RUNX2: variants seen among roughly 807,000 people sequenced by gnomAD.
The protein encoded by RUNX2 is runt-related transcription factor 2.
Under a neutral mutation model 51.7 loss-of-function variants are expected in RUNX2, and 10 were observed. That is an observed-to-expected ratio of 0.19 (90% CI 0.12 to 0.33). The LOEUF (loss-of-function observed/expected upper bound fraction) is 0.33, where lower values mean the gene tolerates loss of function less well. Ranked by LOEUF, RUNX2 falls within the 10% of genes least tolerant of loss-of-function variation. RUNX2 has a pLI of 1.00. For missense variants in RUNX2, 562 were observed against 691.3 expected (o/e 0.81, Z 2.10); for synonymous variants, 276 against 273.6 (o/e 1.01, Z -0.09).
chr6:45,361,091 G>A (rs900186500), intron 2 of RUNX2, among the ~76,000 whole-genome samples: 14 of 152,094 alleles, frequency 9.2e-5, no homozygotes, highest in African/African-American at 3.1e-4. Context: ...TGGCAACATA[G>A]AGACCCCATC....
intron 2 of RUNX2, 115 bp from the exon 3 acceptor site, chr6:45,422,478 T>TGGGGG: frequency 1.8e-6 from 1 of 569,524 alleles, no homozygotes; most frequent in Non-Finnish European, 2.8e-6. Context: ...CCATCCTCTT[T>TGGGGG]CCCCCCGTCT....
intron 5 of RUNX2, among the ~76,000 whole-genome samples, chr6:45,462,499 C>A (rs560231557): frequency 6.6e-6 from 1 of 152,280 alleles, no homozygotes; most frequent in East Asian, 1.9e-4. Flanking sequence ...TGGCTGAAAA[C>A]AAACCTTAAG....
intron 2 of RUNX2, among the ~76,000 whole-genome samples, chr6:45,358,589 T>C (rs1442088239): frequency 6.6e-6 from 1 of 152,182 alleles, no homozygotes; most frequent in Non-Finnish European, 1.5e-5. Context: ...AAGAGCACAA[T>C]GTTTATCATC....
At position 45,345,105 on chromosome 6, in the gene RUNX2, A is replaced by G. The variant is rs113438193; in HGVS notation, c.58+16321A>G. ...TACCCACTCATCTGCGCTGCCTCAC[A>G]TGGATGTTTTGAGATTTAAATGAGA... On this transcript the variant is annotated intron_variant, in intron 2 of 8. Coordinates refer to ENST00000647337, the MANE Select transcript of RUNX2 (RefSeq NM_001024630.4). 9.1e-3 allele frequency among the ~76,000 whole-genome samples: 1,382 copies of G among 152,280 alleles called. 14 individuals carry two copies. Among genetic ancestry groups the G allele is most frequent in the South Asian group, 0.028 (137 of 4,822 alleles).
At chr6:45,368,911 G>A (rs367630323) in intron 2 of RUNX2, among the ~76,000 whole-genome samples, 5 of 151,692 alleles carry the variant, frequency 3.3e-5, no homozygotes, top group African/African-American at 7.3e-5. Flanking sequence ...CTGAGTTTTC[G>A]TTTTGTTGTT....
intron 7 of RUNX2, among the ~76,000 whole-genome samples, chr6:45,530,752 G>A (rs1185517673): frequency 2.0e-5 from 3 of 152,222 alleles, no homozygotes; most frequent in African/African-American, 7.2e-5. Context: ...TTAAAAAGGA[G>A]CAGGACTATT....
rs773529941 is a variant in RUNX2 at position 45,499,650 on chromosome 6, G to A, written c.859+7536G>A. Reference sequence around the variant, plus strand: ...CTTTCAGAAAAGTAGAGAGGGTGATGTTCCCAGAAAAATTATTTTTTTGTT... The same window carrying A: ...CTTTCAGAAAAGTAGAGAGGGTGATATTCCCAGAAAAATTATTTTTTTGTT... On this transcript the variant is annotated intron_variant, in intron 6 of 8. Coordinates refer to ENST00000647337, the MANE Select transcript of RUNX2 (RefSeq NM_001024630.4). Among the ~76,000 whole-genome samples, 247 of 152,280 alleles carry A rather than the reference G, an allele frequency of 1.6e-3. 2 individuals are homozygous for A. Among genetic ancestry groups the A allele is most frequent in the Non-Finnish European group, 6.0e-4 (41 of 68,020 alleles).
chr6:45,348,973 T>C (rs1791486173), intron 2 of RUNX2, among the ~76,000 whole-genome samples: 2 of 152,302 alleles, frequency 1.3e-5, no homozygotes, highest in South Asian at 4.1e-4. Context: ...ACACAGTTCA[T>C]GGCACACCAC....
intron 6 of RUNX2, among the ~76,000 whole-genome samples, chr6:45,510,800 A>G (rs2150420017): frequency 6.6e-6 from 1 of 152,000 alleles, no homozygotes; most frequent in East Asian, 1.9e-4. Flanking sequence ...ATTTTGTGCT[A>G]GTTTTCTCTT....
chr6:45,400,437 T>C (rs1797688578), intron 2 of RUNX2, among the ~76,000 whole-genome samples: 1 of 152,174 alleles, frequency 6.6e-6, no homozygotes, highest in Admixed American at 6.5e-5. Flanking sequence ...TTCCAGTAAA[T>C]GGTAACTGAG....
chr6:45,478,043 A>G (rs2150397863), intron 5 of RUNX2, among the ~76,000 whole-genome samples: 1 of 151,964 alleles, frequency 6.6e-6, no homozygotes, highest in South Asian at 2.1e-4. Context: ...TTGGAATGTT[A>G]TCTTCTTCTG....
At chr6:45,361,334 G>A (rs1281547798) in intron 2 of RUNX2, among the ~76,000 whole-genome samples, 2 of 151,908 alleles carry the variant, frequency 1.3e-5, no homozygotes, top group East Asian at 1.9e-4. Flanking sequence ...TTTTAAAAAC[G>A]TGGTGACATT....
chr6:45,328,472 C>T lies in RUNX2; in HGVS notation c.-67+12C>T. 6.7e-7 allele frequency: 1 copy of T among 1,485,320 alleles called. No individual in the cohort carries two copies. The highest frequency in any genetic ancestry group is 9.1e-7 in the Non-Finnish European group (1 of 1,098,818). The allele number at this position is 1,485,320 out of a possible 1,614,324, so 92.0% of individuals were successfully genotyped here. On this transcript the variant is annotated intron_variant, in intron 1 of 8. Coordinates refer to ENST00000647337, the MANE Select transcript of RUNX2 (RefSeq NM_001024630.4). ...GACCAACAGAGTCAGTGAGTGCTCT[C>T]TAACCACAGTCTATGCAGTAATAGT...
rs398048486 is a variant in RUNX2, at chr6:45,399,349, C to CTTTTTTTTTTTTTTT, written c.59-23230_59-23216dup. 2.1e-4 allele frequency among the ~76,000 whole-genome samples: 12 copies of CTTTTTTTTTTTTTTT among 57,376 alleles called. 1 individual carries two copies. Among genetic ancestry groups the CTTTTTTTTTTTTTTT allele is most frequent in the East Asian group, 4.7e-4 (1 of 2,118 alleles). 37.6% of individuals were successfully genotyped at this position (57,376 alleles called of 152,430 possible). On this transcript the variant is annotated intron_variant, in intron 2 of 8. Transcript: ENST00000647337. ...CTTTCTCATTTCTTTCTTTTCTTTC[C>CTTTTTTTTTTTTTTT]TTTTTTTTTTTTTTTTTTTTTTTTT...
chr6:45,345,276 T>C (rs1399208236), intron 2 of RUNX2, among the ~76,000 whole-genome samples: 1 of 152,226 alleles, frequency 6.6e-6, no homozygotes, highest in Non-Finnish European at 1.5e-5. Flanking sequence ...TCAAATGACA[T>C]GTTTTCCTAT....
At chr6:45,546,582 CAT>C (rs1802407483) in intron 8 of RUNX2, among the ~76,000 whole-genome samples, 1 of 152,118 alleles carries the variant, frequency 6.6e-6, no homozygotes, top group Non-Finnish European at 1.5e-5. Context: ...ACCTGGCACA[CAT>C]GTGGGTTTTT....
chr6:45,422,882 C>T lies in RUNX2; in HGVS notation c.348C>T (p.Thr116=). ...IADHPAELVR[T]DSPNFLCSVL... Reference sequence around the variant, plus strand: ...ACCACCCGGCCGAACTCGTCCGCACCGACAGCCCCAACTTCCTGTGCTCGG... The same window carrying T: ...ACCACCCGGCCGAACTCGTCCGCACTGACAGCCCCAACTTCCTGTGCTCGG... The change falls in exon 3 of 9, where the codon ACC becomes ACT. Residue 116 remains threonine (T), a synonymous_variant. Transcript: ENST00000647337. 1.2e-6 allele frequency: 2 copies of T among 1,612,758 alleles called. No homozygotes were observed. The highest frequency in any genetic ancestry group is 2.2e-5 in the South Asian group (2 of 91,062).
intron 2 of RUNX2, among the ~76,000 whole-genome samples, chr6:45,417,243 C>T (rs1410652379): frequency 2.6e-5 from 4 of 152,106 alleles, no homozygotes; most frequent in African/African-American, 7.2e-5. Context: ...CTACTAAAAC[C>T]TTACCTATTT....
At chr6:45,503,035 C>T (rs374006105) in intron 6 of RUNX2, among the ~76,000 whole-genome samples, 3 of 152,188 alleles carry the variant, frequency 2.0e-5, no homozygotes, top group African/African-American at 4.8e-5. Context: ...GCCCTCTTAA[C>T]CTCCCTTACT....
Sources: allele counts gnomAD v4.1 joint callset (sites outside exome capture counted in the v4.1 genomes callset), GRCh38; gene constraint gnomAD v4.1.1; transcripts MANE v1.5; gene names NCBI Gene and HGNC (gene_info 2026-07-23, HGNC 2026-07-21).